WDR59: variants seen among roughly 807,000 people sequenced by gnomAD.
The protein encoded by WDR59 is WD repeat domain 59, also known as GATOR2 complex protein WDR59.
Under a neutral mutation model 131.2 loss-of-function variants are expected in WDR59, and 100 were observed. The ratio of observed to expected loss-of-function variants is 0.76; its 90% confidence interval spans 0.65 to 0.90. The LOEUF is 0.90. Among genes scored for constraint, WDR59 ranks in the 40% least tolerant of loss-of-function variants. The pLI, the probability that WDR59 is intolerant of heterozygous loss-of-function variation, is 0.00. For synonymous variants in WDR59, 601 were observed against 466.2 expected (o/e 1.29, Z -3.72); for missense variants, 1,203 against 1,262.2 (o/e 0.95, Z 0.71).
chr16:74,965,927 G>T, intron 1 of WDR59, 105 bp from the exon 2 acceptor site: 1 of 1,188,482 alleles, frequency 8.4e-7, no homozygotes. Flanking sequence ...GAAGTCCCCA[G>T]CTCGCAGGTA....
chr16:74,887,855 T>G, intron 22 of WDR59, 100 bp from the exon 23 acceptor site: 1 of 1,227,892 alleles, frequency 8.1e-7, no homozygotes, highest in Non-Finnish European at 1.2e-6. Flanking sequence ...CGGTGGCTCA[T>G]GCCTGTAATC....
At chr16:74,886,551 C>G in intron 23 of WDR59, 155 bp from the exon 24 acceptor site, 2 of 1,043,296 alleles carry the variant, frequency 1.9e-6, no homozygotes. Flanking sequence ...ATAGAACTCT[C>G]TCCTACCCTT....
At position 74,949,717 on chromosome 16, in the gene WDR59, C is replaced by G. The variant is rs190771626; in HGVS notation, c.407+1G>C. 1 of 1,613,572 alleles carries G rather than the reference C, an allele frequency of 6.2e-7. No individual in the cohort carries two copies. On this transcript the variant is annotated splice_donor_variant, in intron 5 of 25. Transcript: ENST00000262144. LOFTEE classifies it high-confidence loss of function. ...TGGTTATGCCTCCTAATTGTTCTTA[C>G]TTGATATCCCAAATGTAGATGTAGG... is the stretch of plus-strand genomic sequence containing the variant.
rs1966472926 is a variant in WDR59 at position 74,917,960 on chromosome 16, C to A, written c.935G>T (p.Arg312Ile). 6.2e-7 allele frequency: 1 copy of A among 1,614,080 alleles called. No individual in the cohort carries two copies. Among genetic ancestry groups the A allele is most frequent in the African/African-American group, 1.3e-5 (1 of 75,026 alleles). The change falls in exon 11 of 26, where the codon AGA becomes ATA. Residue 312 changes from arginine (R) to isoleucine (I), a missense_variant. Transcript: ENST00000262144. ...CATCTGGGAATCCACCCGCCACATT[C>A]TCAAGGTCTGATCCCGGGACCACGT... ...LVTWSRDQTLRMWRVDSQMQR... is the reference protein window; with the variant it reads ...LVTWSRDQTLIMWRVDSQMQR...
At chr16:74,955,331 A>T (rs1235986181) in intron 3 of WDR59, among the ~76,000 whole-genome samples, 1 of 152,108 alleles carries the variant, frequency 6.6e-6, no homozygotes, top group Non-Finnish European at 1.5e-5. Context: ...GATGCTGCTG[A>T]ACTTCCTGCA....
intron 18 of WDR59, among the ~76,000 whole-genome samples, chr16:74,898,538 G>A (rs989037096): frequency 1.3e-5 from 2 of 152,160 alleles, no homozygotes; most frequent in Admixed American, 1.3e-4. Context: ...AGAGGACAAG[G>A]AAGAACGGAG....
chr16:74,922,269 G>A (rs769649655), intron 9 of WDR59, among the ~76,000 whole-genome samples, 166 bp from the exon 10 acceptor site: 1 of 152,186 alleles, frequency 6.6e-6, no homozygotes, highest in Non-Finnish European at 1.5e-5. Context: ...TGCACATCGC[G>A]TCTACTTTTC....
At chr16:74,945,247 C>T (rs188445828) in intron 6 of WDR59, among the ~76,000 whole-genome samples, 186 of 152,114 alleles carry the variant, frequency 1.2e-3, no homozygotes, top group Middle Eastern at 6.8e-3. Flanking sequence ...GAGGCCGAGG[C>T]GGGTGGATCA....
intron 6 of WDR59, 125 bp downstream of exon 6, chr16:74,948,393 GC>G: frequency 1.1e-6 from 1 of 912,256 alleles, no homozygotes; most frequent in Non-Finnish European, 1.8e-6. Flanking sequence ...CAGCCACGGC[GC>G]AGCCCAGACA....
chr16:74,983,073 T>A (rs778347012), intron 1 of WDR59, among the ~76,000 whole-genome samples: 8 of 152,204 alleles, frequency 5.3e-5, no homozygotes, highest in Admixed American at 1.3e-4. Flanking sequence ...CCAGGCACAG[T>A]CGCTCACACC....
At chr16:74,914,841 C>T (rs1168949462) in intron 13 of WDR59, among the ~76,000 whole-genome samples, 2 of 152,102 alleles carry the variant, frequency 1.3e-5, no homozygotes, top group Non-Finnish European at 2.9e-5. Context: ...ATCCGTCTAC[C>T]TTGGCCTCCC....
At chr16:74,888,117 CAAAAAAAA>C (rs35324656) in intron 22 of WDR59, 44 bp downstream of exon 22, 22 of 1,235,494 alleles carry the variant, frequency 1.8e-5, no homozygotes, top group African/African-American at 1.0e-4. Flanking sequence ...AACTCCGTCT[CAAAAAAAA>C]AAAAAAAAAA....
At chr16:74,957,267 G>A (rs972187014) in intron 2 of WDR59, among the ~76,000 whole-genome samples, 5 of 151,948 alleles carry the variant, frequency 3.3e-5, no homozygotes, top group African/African-American at 9.7e-5. Flanking sequence ...TTTTTGTAGA[G>A]ACGGAGTTTC....
At chr16:74,890,602 C>A (rs1305199955) in intron 20 of WDR59, among the ~76,000 whole-genome samples, 3 of 152,166 alleles carry the variant, frequency 2.0e-5, no homozygotes, top group Admixed American at 6.5e-5. Flanking sequence ...AGTATCCTCT[C>A]TGAAGCTAAA....
intron 2 of WDR59, chr16:74,959,556 A>C (rs1238656105): frequency 2.2e-6 from 1 of 452,980 alleles, no homozygotes; most frequent in African/African-American, 2.0e-5. Context: ...TGAGGCCCGG[A>C]GTTAAGACCA....
At chr16:74,966,859 C>G (rs972385416) in intron 1 of WDR59, among the ~76,000 whole-genome samples, 13 of 152,184 alleles carry the variant, frequency 8.5e-5, no homozygotes, top group Middle Eastern at 3.2e-3. Context: ...GTCTAACTCC[C>G]AAGAGACTGC....
intron 18 of WDR59, among the ~76,000 whole-genome samples, chr16:74,900,112 T>C (rs1026462628): frequency 6.6e-6 from 1 of 152,182 alleles, no homozygotes; most frequent in Non-Finnish European, 1.5e-5. Context: ...AGTGGAGAAA[T>C]AGGCAGAAGC....
At position 74,874,424 on chromosome 16, in the gene WDR59, G is replaced by A; in HGVS notation, c.2710C>T (p.His904Tyr). Reference sequence around the variant, plus strand: ...GTGCCACGGACCTCACTCCGGCAGTGGCTGCAGTACACGCCGAACTCTGGA... The same window carrying A: ...GTGCCACGGACCTCACTCCGGCAGTAGCTGCAGTACACGCCGAACTCTGGA... ...KGIEFGVYCS[H>Y]CRSEVRGTQC... Residue 904 changes from histidine (H) to tyrosine (Y), a missense_variant, in exon 26 of 26, where the codon CAC becomes TAC. Transcript: ENST00000262144. 5 of 1,614,020 alleles carry A rather than the reference G, an allele frequency of 3.1e-6. No homozygotes were observed. The highest frequency in any genetic ancestry group is 4.2e-6 in the Non-Finnish European group (5 of 1,180,026).
Position 74,916,181 on chromosome 16 carries a change from G to C in WDR59, c.1045C>G (p.Leu349Val). The C allele has an allele frequency of 6.2e-7, 1 of 1,614,158 alleles. No homozygotes were observed. The highest frequency in any genetic ancestry group is 8.5e-7 in the Non-Finnish European group (1 of 1,180,006). The stretch of plus-strand genomic sequence containing the variant: ...TGGTGATCTGTATCTTCAGTGTGCA[G>C]GGTCTTCTCAGGTTCCGGCAGAAGG... ...ISLLPEPEKT[L>V]HTEDTDHQHT... Residue 349 changes from leucine to valine, a missense_variant, in exon 12 of 26, where the codon CTG (leucine) becomes GTG (valine). Coordinates refer to ENST00000262144, the MANE Select transcript of WDR59 (RefSeq NM_030581.4).
Sources: allele counts gnomAD v4.1 joint callset (sites outside exome capture counted in the v4.1 genomes callset), GRCh38; gene constraint gnomAD v4.1.1; transcripts MANE v1.5; gene names NCBI Gene and HGNC (gene_info 2026-07-23, HGNC 2026-07-21).